The following LAMA2 variants were observed in gnomAD, a reference collection of about 807,000 sequenced individuals.
The protein encoded by LAMA2 is laminin subunit alpha-2.
LAMA2 carries 269 observed loss-of-function variants against 364.8 expected under a neutral mutation model. The ratio of observed to expected loss-of-function variants is 0.74; its 90% CI spans 0.67 to 0.82. The LOEUF (loss-of-function observed/expected upper bound fraction) is 0.82. Among genes scored for constraint, LAMA2 ranks in the 40% least tolerant of loss-of-function variants. The pLI is 0.00. For synonymous variants in LAMA2, 1,379 were observed against 1,370.6 expected (o/e 1.01, Z -0.14); for missense variants, 3,807 against 3,873.2 (o/e 0.98, Z 0.45).
At chr6:129,106,820 C>CT (rs1300208061) in intron 4 of LAMA2, among the ~76,000 whole-genome samples, 2 of 147,786 alleles carry the variant, frequency 1.4e-5, no homozygotes, top group African/African-American at 5.0e-5. Context: ...TATATTCCTC[C>CT]TTTTTCTTTG....
chr6:129,178,367 C>T (rs910756082), intron 10 of LAMA2, among the ~76,000 whole-genome samples: 1 of 152,090 alleles, frequency 6.6e-6, no homozygotes, highest in African/African-American at 2.4e-5. Flanking sequence ...ATTAAAGGCT[C>T]AATATTTTCT....
chr6:128,962,346 C>T (rs2114598548), intron 1 of LAMA2, among the ~76,000 whole-genome samples: 2 of 151,530 alleles, frequency 1.3e-5, no homozygotes, highest in South Asian at 4.2e-4. Flanking sequence ...TATGATATTA[C>T]TTTCATACCT....
intron 30 of LAMA2, among the ~76,000 whole-genome samples, chr6:129,345,092 G>T (rs1301328660): frequency 6.6e-6 from 1 of 152,138 alleles, no homozygotes; most frequent in African/African-American, 2.4e-5. Flanking sequence ...TTACAGTAAG[G>T]TATATTGAGG....
chr6:129,225,154 G>A (rs527779880), intron 12 of LAMA2, among the ~76,000 whole-genome samples: 2 of 152,142 alleles, frequency 1.3e-5, no homozygotes, highest in African/African-American at 4.8e-5. Context: ...ATGGTAGTTT[G>A]TATTTCTGTG....
chr6:129,208,407 A>G (rs1329325910), intron 12 of LAMA2, among the ~76,000 whole-genome samples: 2 of 152,032 alleles, frequency 1.3e-5, no homozygotes, highest in Non-Finnish European at 2.9e-5. Context: ...GCTTAATTTG[A>G]GGTCAGGCAT....
At chr6:128,887,731 G>A (rs186462202) in intron 1 of LAMA2, among the ~76,000 whole-genome samples, 278 of 152,124 alleles carry the variant, frequency 1.8e-3, no homozygotes, top group Middle Eastern at 0.01. Flanking sequence ...TTAGCCAGGC[G>A]TGGTGGCATG....
intron 12 of LAMA2, among the ~76,000 whole-genome samples, chr6:129,226,156 C>A (rs1361199502): frequency 6.6e-6 from 1 of 152,090 alleles, no homozygotes; most frequent in Non-Finnish European, 1.5e-5. Flanking sequence ...AGGTTTGCAA[C>A]CCCTGCCTTT....
At chr6:128,896,410 T>C (rs1776776200) in intron 1 of LAMA2, among the ~76,000 whole-genome samples, 1 of 138,630 alleles carries the variant, frequency 7.2e-6, no homozygotes, top group African/African-American at 2.7e-5. Flanking sequence ...CCTCCTTCCA[T>C]TTTTTTTTTT....
chr6:129,283,480 G>T (rs1443225741), intron 18 of LAMA2, among the ~76,000 whole-genome samples: 1 of 151,586 alleles, frequency 6.6e-6, no homozygotes, highest in Non-Finnish European at 1.5e-5. Context: ...AAACTTAATG[G>T]GATACATAGA....
At chr6:128,914,016 G>C (rs78522618) in intron 1 of LAMA2, among the ~76,000 whole-genome samples, 7 of 152,148 alleles carry the variant, frequency 4.6e-5, no homozygotes, top group Non-Finnish European at 7.4e-5. Flanking sequence ...TAGAGAAATG[G>C]AGATATAAAA....
intron 12 of LAMA2, among the ~76,000 whole-genome samples, chr6:129,245,040 G>T (rs265385): frequency 0.65 from 99,237 of 151,924 alleles, 34,266 homozygotes; most frequent in Non-Finnish European, 0.77. Flanking sequence ...GAACAGGAAA[G>T]TGAATGGCTT....
At chr6:129,158,324 A>G in intron 8 of LAMA2, 1 of 1,614,012 alleles carries the variant, frequency 6.2e-7, no homozygotes, top group South Asian at 1.1e-5. Context: ...TGGCTTCTTC[A>G]GTGGTAAAGA....
intron 35 of LAMA2, among the ~76,000 whole-genome samples, chr6:129,390,192 C>G (rs148134822): frequency 6.6e-6 from 1 of 152,316 alleles, no homozygotes; most frequent in Admixed American, 6.5e-5. Context: ...ATCAGAAGCT[C>G]TGAGAAGGCT....
intron 12 of LAMA2, among the ~76,000 whole-genome samples, chr6:129,197,100 A>G (rs139068567): frequency 6.6e-6 from 1 of 152,252 alleles, no homozygotes; most frequent in East Asian, 1.9e-4. Flanking sequence ...TTCTAACCTC[A>G]CTCTGGTATA....
chr6:129,112,796 G>A (rs1306041577), intron 4 of LAMA2, among the ~76,000 whole-genome samples: 1 of 151,758 alleles, frequency 6.6e-6, no homozygotes, highest in Non-Finnish European at 1.5e-5. Context: ...AATGTGGAAG[G>A]GAGTGATGGG....
chr6:128,962,746 A>G (rs1217757293), intron 1 of LAMA2, among the ~76,000 whole-genome samples: 1 of 152,210 alleles, frequency 6.6e-6, no homozygotes, highest in African/African-American at 2.4e-5. Context: ...ATAAATCCCA[A>G]TCACAACTGT....
Position 129,233,505 on chromosome 6 carries a change from T to TACTA in LAMA2, c.1783-16605_1783-16602dup, listed in dbSNP as rs1784801545. Among the ~76,000 whole-genome samples, 3 of 152,180 alleles carry TACTA rather than the reference T, an allele frequency of 2.0e-5. No individual in the cohort carries two copies. The South Asian group carries it at 6.2e-4, about 32-fold the overall frequency. ...AAAGTGTGTTAGAGAGAAAAGAAAA[T>TACTA]ACTAAGAAAATCATAAGGAAGATAA... On this transcript the variant is annotated intron_variant, in intron 12 of 64. Coordinates refer to ENST00000421865, the MANE Select transcript of LAMA2 (RefSeq NM_000426.4).
chr6:129,397,990 T>G (rs952864791), intron 37 of LAMA2, among the ~76,000 whole-genome samples: 2 of 151,778 alleles, frequency 1.3e-5, no homozygotes. Context: ...TCATCATTTC[T>G]GATTGAGTAT....
chr6:128,977,886 C>G (rs1782629948), intron 1 of LAMA2, among the ~76,000 whole-genome samples: 1 of 152,110 alleles, frequency 6.6e-6, no homozygotes, highest in Non-Finnish European at 1.5e-5. Context: ...CATTCTCTCC[C>G]TAGGTTGGAG....
Sources: allele counts gnomAD v4.1 joint callset (sites outside exome capture counted in the v4.1 genomes callset), GRCh38; gene constraint gnomAD v4.1.1; transcripts MANE v1.5; gene names NCBI Gene and HGNC (gene_info 2026-07-23, HGNC 2026-07-21).